ZNF385D: variants seen among roughly 807,000 people sequenced by gnomAD.
ZNF385D encodes the protein zinc finger protein 659.
ZNF385D carries 15 observed loss-of-function variants against 35.8 expected under a neutral mutation model. The observed-to-expected ratio is 0.42, with a 90% CI of 0.28 to 0.64. The LOEUF is 0.64. Ranked by LOEUF, ZNF385D falls within the 30% of genes least tolerant of loss-of-function variation. ZNF385D has a pLI of 0.23. For missense variants in ZNF385D, 474 were observed against 494.6 expected (o/e 0.96, Z 0.39); for synonymous variants, 212 against 186.8 (o/e 1.13, Z -1.10).
rs559351959 is a variant in ZNF385D, at chr3:22,321,804, C to A, written c.106+50646G>T. 6.6e-5 allele frequency among the ~76,000 whole-genome samples: 10 copies of A among 152,138 alleles called. No individual in the cohort carries two copies. The South Asian group carries it at 1.5e-3, about 22-fold the overall frequency. On this transcript the variant is annotated intron_variant, in intron 2 of 5. Coordinates refer to the ZNF385D transcript ENST00000494108. The stretch of plus-strand genomic sequence containing the variant: ...TGAACAAGTTACTGTGCATTTCATT[C>A]TTTTCCTTACTAAATAGGCAGATTT...
At chr3:21,614,630 A>T (rs544005309) in intron 2 of ZNF385D, among the ~76,000 whole-genome samples, 3 of 152,200 alleles carry the variant, frequency 2.0e-5, no homozygotes, top group Admixed American at 1.3e-4. Context: ...TCACTATGTC[A>T]CAAGCTGGAG....
intron 1 of ZNF385D, among the ~76,000 whole-genome samples, chr3:21,747,044 T>TA (rs992179138): frequency 7.9e-5 from 12 of 151,958 alleles, no homozygotes; most frequent in African/African-American, 2.9e-4. Context: ...ATTTTCTTTT[T>TA]TTTTTTTTTT....
At chr3:21,965,213 T>C (rs547367106) in intron 3 of ZNF385D, among the ~76,000 whole-genome samples, 8 of 152,332 alleles carry the variant, frequency 5.3e-5, no homozygotes, top group Admixed American at 5.2e-4. Context: ...AGTTTCTTTA[T>C]CTGCAAAATG....
At chr3:22,301,154 G>A (rs1048317346) in intron 2 of ZNF385D, among the ~76,000 whole-genome samples, 2 of 152,084 alleles carry the variant, frequency 1.3e-5, no homozygotes, top group Middle Eastern at 3.4e-3. Context: ...CCTGGAGGTC[G>A]TTTGTTAAGC....
chr3:21,912,505 G>A (rs1243255122), intron 3 of ZNF385D, among the ~76,000 whole-genome samples: 1 of 151,990 alleles, frequency 6.6e-6, no homozygotes, highest in African/African-American at 2.4e-5. Flanking sequence ...TGTGTACAGA[G>A]GAAGCTAAAT....
rs565110018 is a variant in ZNF385D, at chr3:21,482,331, A to T, written c.439+28530T>A. On this transcript the variant is annotated intron_variant, in intron 4 of 7. Transcript: ENST00000281523. ...ACAAAGTTTTTTTGGAACACTGGCCATGACCACTCATTTATGTATGATCTA... is the reference window on the plus strand; with the variant it reads ...ACAAAGTTTTTTTGGAACACTGGCCTTGACCACTCATTTATGTATGATCTA... Among the ~76,000 whole-genome samples, 4 of 152,312 alleles carry T rather than the reference A, an allele frequency of 2.6e-5. No homozygotes were observed. In the South Asian group the frequency reaches 6.2e-4, roughly 24 times the overall value.
intron 2 of ZNF385D, among the ~76,000 whole-genome samples, chr3:22,354,100 TC>T (rs1392779095): frequency 6.6e-6 from 1 of 152,112 alleles, no homozygotes; most frequent in African/African-American, 2.4e-5. Flanking sequence ...CTCACTAGCA[TC>T]CCCTCTGCTG....
At chr3:21,701,015 T>C (rs578126451) in intron 1 of ZNF385D, among the ~76,000 whole-genome samples, 2 of 152,334 alleles carry the variant, frequency 1.3e-5, no homozygotes, top group East Asian at 1.9e-4. Context: ...TCTTTTGCAC[T>C]CTTCTGCTGG....
intron 1 of ZNF385D, among the ~76,000 whole-genome samples, chr3:21,665,306 G>GA (rs2066372075): frequency 6.6e-6 from 1 of 152,058 alleles, no homozygotes; most frequent in Non-Finnish European, 1.5e-5. Context: ...TTCCTGCCTA[G>GA]AGCTCCAGAT....
intron 3 of ZNF385D, among the ~76,000 whole-genome samples, chr3:22,041,640 T>C (rs1396650734): frequency 6.6e-6 from 1 of 152,144 alleles, no homozygotes; most frequent in Admixed American, 6.6e-5. Context: ...ACTGAATTGA[T>C]CAATGTATAT....
At chr3:21,964,470 ATTTTTTTTTTTTTTTTTTTTTT>A (rs377650103) in intron 3 of ZNF385D, among the ~76,000 whole-genome samples, 4 of 68,146 alleles carry the variant, frequency 5.9e-5, no homozygotes, top group Non-Finnish European at 1.0e-4. Context: ...AATTTCTCAG[ATTTTTTTTTTTTTTTTTTTTTT>A]TTTTTTTTTT....
chr3:22,319,287 G>C (rs1704067666), intron 2 of ZNF385D, among the ~76,000 whole-genome samples: 1 of 151,864 alleles, frequency 6.6e-6, no homozygotes, highest in Non-Finnish European at 1.5e-5. Flanking sequence ...GAACTCCTCT[G>C]AATGGATAGT....
chr3:21,710,665 C>T (rs1283055465), intron 1 of ZNF385D, among the ~76,000 whole-genome samples: 3 of 151,928 alleles, frequency 2.0e-5, no homozygotes, highest in Non-Finnish European at 2.9e-5. Flanking sequence ...AAACCATAGA[C>T]AAAAAAGGAT....
chr3:22,204,135 A>G (rs1186034349), intron 2 of ZNF385D, among the ~76,000 whole-genome samples: 1 of 152,072 alleles, frequency 6.6e-6, no homozygotes, highest in Non-Finnish European at 1.5e-5. Context: ...ACAGCTCAGC[A>G]GAGAGAGGAG....
chr3:21,673,832 A>G (rs1050026889), intron 1 of ZNF385D, among the ~76,000 whole-genome samples: 2 of 152,112 alleles, frequency 1.3e-5, no homozygotes, highest in Admixed American at 6.6e-5. Context: ...CCTTGGAAGT[A>G]CAATCACAAA....
intron 2 of ZNF385D, among the ~76,000 whole-genome samples, chr3:21,629,303 T>G (rs1335537940): frequency 6.6e-6 from 1 of 152,110 alleles, no homozygotes; most frequent in Non-Finnish European, 1.5e-5. Flanking sequence ...TAATTTCAGG[T>G]GGAGGTTGGG....
In ZNF385D at chr3:22,025,839, C is replaced by T. The variant is rs548326756; in HGVS notation, c.325+142978G>A. Among the ~76,000 whole-genome samples the T allele has an allele frequency of 2.6e-5, 4 of 152,212 alleles. No individual in the cohort carries two copies. In the South Asian group the frequency reaches 8.3e-4, roughly 32 times the overall value. On this transcript the variant is annotated intron_variant, in intron 3 of 5. Coordinates refer to the ZNF385D transcript ENST00000494108. ...CTTGTGAGGGCAGCACCTGCATCTT[C>T]GAAGAGCCCTGTAATTGCTCTTCTC... is the stretch of plus-strand genomic sequence containing the variant.
Position 21,749,402 on chromosome 3 carries a change from T to A in ZNF385D, c.22+1493A>T, listed in dbSNP as rs1033897762. ...CTCACGACGATCACATAAGGAATTG[T>A]TTCAAGAGGGTGAAAATATAAACTA... On this transcript the variant is annotated intron_variant, in intron 1 of 7. Coordinates refer to ENST00000281523, the MANE Select transcript of ZNF385D (RefSeq NM_024697.3). Among the ~76,000 whole-genome samples the A allele has an allele frequency of 3.3e-5, 5 of 152,298 alleles. No individual in the cohort carries two copies. In the East Asian group the frequency reaches 9.7e-4, roughly 29 times the overall value.
chr3:21,486,914 G>A (rs1705068916), intron 4 of ZNF385D, among the ~76,000 whole-genome samples: 1 of 152,008 alleles, frequency 6.6e-6, no homozygotes, highest in Admixed American at 6.6e-5. Context: ...AAAGCATTAG[G>A]AAAATAGCTA....
Sources: gnomAD v4.1 joint callset for allele counts (sites outside exome capture counted in the v4.1 genomes callset) on GRCh38, gnomAD v4.1.1 for gene constraint, MANE v1.5 for transcripts, NCBI Gene and HGNC (gene_info 2026-07-23, HGNC 2026-07-21) for gene names.